SF3B3: variants seen among roughly 807,000 people sequenced by gnomAD.
SF3B3 encodes splicing factor 3b subunit 3.
SF3B3 carries 33 observed loss-of-function variants against 139.2 expected under a neutral mutation model. That is an observed-to-expected ratio of 0.24 (90% CI 0.18 to 0.32). The LOEUF (loss-of-function observed/expected upper bound fraction) is 0.32, where lower values mean the gene tolerates loss of function less well. Ranked by LOEUF, SF3B3 falls within the 10% of genes least tolerant of loss-of-function variation. The probability of loss-of-function intolerance (pLI) is 1.00; values close to 1 mark genes in which losing one functional copy is unlikely to be tolerated. For synonymous variants in SF3B3, 596 were observed against 563.6 expected, an observed-to-expected ratio of 1.06 and a Z score of -0.81; for missense variants, 818 against 1,509.4, an observed-to-expected ratio of 0.54 and a Z score of 7.59.
At chr16:70,553,714 AC>A (rs1372150167) in intron 11 of SF3B3, among the ~76,000 whole-genome samples, 1 of 152,198 alleles carries the variant, frequency 6.6e-6, no homozygotes, top group Non-Finnish European at 1.5e-5. Flanking sequence ...TTTCTGGTAT[AC>A]CTCAAGTCCT....
rs764715030 is a variant in SF3B3, at chr16:70,568,261, C to G, written c.2953-22C>G. 11 of 1,570,402 alleles carry G rather than the reference C, an allele frequency of 7.0e-6. 1 individual carries two copies. The South Asian group carries it at 1.2e-4, about 17-fold the overall frequency. On this transcript the variant is annotated intron_variant, in intron 21 of 25. Transcript: ENST00000302516. ...AACCCCAAGATTACACCCACCATCA[C>G]TATTGTCTTTGTTTTTCCCAGCATA...
chr16:70,526,938 T>C, intron 2 of SF3B3: 1 of 590,846 alleles, frequency 1.7e-6, no homozygotes, highest in East Asian at 2.9e-5. Flanking sequence ...GTAATGATTC[T>C]TGTCAGGGCA....
At chr16:70,526,947 C>T (rs1353121966) in intron 2 of SF3B3, 4 of 586,106 alleles carry the variant, frequency 6.8e-6, no homozygotes, top group Admixed American at 6.3e-5. Context: ...CTTGTCAGGG[C>T]ACACTTTTCT....
chr16:70,551,338 T>C (rs1193819130), intron 11 of SF3B3, among the ~76,000 whole-genome samples: 2 of 152,194 alleles, frequency 1.3e-5, no homozygotes, highest in South Asian at 2.1e-4. Flanking sequence ...TTCCTTAGAA[T>C]GCAGTGTGGA....
At chr16:70,569,256 C>A in intron 23 of SF3B3, 115 bp downstream of exon 23, 1 of 682,872 alleles carries the variant, frequency 1.5e-6, no homozygotes, top group Non-Finnish European at 2.5e-6. Context: ...GTGCTGAGTG[C>A]TGTCCGTCCA....
At chr16:70,549,385 G>C (rs2050299608) in intron 11 of SF3B3, among the ~76,000 whole-genome samples, 2 of 152,154 alleles carry the variant, frequency 1.3e-5, no homozygotes, top group South Asian at 4.1e-4. Flanking sequence ...AGTAGAAAGG[G>C]AAAATTGTGA....
At chr16:70,557,433 A>G (rs989529083) in intron 15 of SF3B3, among the ~76,000 whole-genome samples, 44 of 152,242 alleles carry the variant, frequency 2.9e-4, no homozygotes, top group Admixed American at 2.9e-3. Flanking sequence ...TTGTGCCGTG[A>G]AGAAAAGGTG....
At position 70,570,095 on chromosome 16, in the gene SF3B3, C is replaced by A; in HGVS notation, c.3354C>A (p.Val1118=). 1 of 1,614,118 alleles carries A rather than the reference C, an allele frequency of 6.2e-7. No individual in the cohort carries two copies. The highest frequency in any genetic ancestry group is 8.5e-7 in the Non-Finnish European group (1 of 1,180,032). ...TCCCTGGAGGCTCAGAATCACTTGTCTATACCACCTTGTCTGGAGGAATTG... is the reference window on the plus strand; with the variant it reads ...TCCCTGGAGGCTCAGAATCACTTGTATATACCACCTTGTCTGGAGGAATTG... The part of the protein sequence containing the change: ...TLIPGGSESL[V]YTTLSGGIGI... The change falls in exon 24 of 26, where the codon GTC becomes GTA. Residue 1118 remains valine (V), a synonymous_variant. Transcript: ENST00000302516.
intron 4 of SF3B3, among the ~76,000 whole-genome samples, chr16:70,531,862 C>G (rs2050124571): frequency 6.6e-6 from 1 of 152,250 alleles, no homozygotes; most frequent in Non-Finnish European, 1.5e-5. Flanking sequence ...GATTGCAGTT[C>G]TCGTTCTAGC....
rs1480274006 is a variant in SF3B3, at chr16:70,526,600, C to T, written c.-57C>T. ...CTGTTTTCTTAGCTTTCTTGGACTC[C>T]GTACTGTTGGTGTAACCAAGGCCTG... On this transcript the variant is annotated 5_prime_UTR_variant, in exon 2 of 26. Transcript: ENST00000302516. The T allele has an allele frequency of 2.8e-5, 34 of 1,231,082 alleles. 1 individual carries two copies. Among genetic ancestry groups the T allele is most frequent in the South Asian group, 2.3e-4 (18 of 79,276 alleles). The allele number at this position is 1,231,082 out of a possible 1,614,324, so 76.3% of individuals were successfully genotyped here.
Position 70,535,322 on chromosome 16 carries a change from G to A in SF3B3, c.727G>A (p.Asp243Asn). Reference sequence around the variant, plus strand: ...TTCTCTCACAGTTCCAGGAGGGTCAGATGGTCCAAGTGGAGTACTGATCTG... The same window carrying A: ...TTCTCTCACAGTTCCAGGAGGGTCAAATGGTCCAAGTGGAGTACTGATCTG... ...NFLITVPGGS[D>N]GPSGVLICSE... The change falls in exon 6 of 26, where the codon GAT becomes AAT. Residue 243 changes from aspartate to asparagine, a missense_variant. This residue lies in a region of SF3B3 where 80 missense variants were observed against 206.5 expected (regional missense o/e 0.39). Coordinates refer to ENST00000302516, the MANE Select transcript of SF3B3 (RefSeq NM_012426.5). 6.3e-7 allele frequency: 1 copy of A among 1,576,188 alleles called. No individual in the cohort carries two copies. The highest frequency in any genetic ancestry group is 8.6e-7 in the Non-Finnish European group (1 of 1,159,298).
At chr16:70,565,806 A>G (rs2050470269) in intron 20 of SF3B3, 5 of 325,176 alleles carry the variant, frequency 1.5e-5, no homozygotes, top group East Asian at 1.2e-4. Context: ...TTGTGACCAA[A>G]ATTCAGCAGT....
At chr16:70,543,315 C>A (rs2050237146) in intron 9 of SF3B3, among the ~76,000 whole-genome samples, 1 of 151,448 alleles carries the variant, frequency 6.6e-6, no homozygotes, top group Admixed American at 6.6e-5. Context: ...GAGGCCGAGG[C>A]AAGAGAATCG....
intron 9 of SF3B3, 62 bp downstream of exon 9, chr16:70,541,896 A>G: frequency 7.2e-7 from 1 of 1,393,830 alleles, no homozygotes; most frequent in South Asian, 1.4e-5. Flanking sequence ...GTCTAGTCTA[A>G]GAAATAGCTT....
intron 6 of SF3B3, among the ~76,000 whole-genome samples, chr16:70,536,813 T>TC (rs1597708913): frequency 2.7e-5 from 4 of 148,678 alleles, no homozygotes; most frequent in African/African-American, 7.4e-5. Flanking sequence ...CTTTCTTTTT[T>TC]TTTTTTTTTT....
At chr16:70,562,989 C>G (rs2050443844) in intron 17 of SF3B3, among the ~76,000 whole-genome samples, 1 of 152,020 alleles carries the variant, frequency 6.6e-6, no homozygotes, top group Non-Finnish European at 1.5e-5. Context: ...GCCATCATGC[C>G]TGGCTAATTT....
chr16:70,571,611 C>G, intron 25 of SF3B3, 62 bp from the exon 26 acceptor site: 1 of 1,551,534 alleles, frequency 6.4e-7, no homozygotes, highest in Non-Finnish European at 8.8e-7. Flanking sequence ...GCTGCTTTAG[C>G]ATGTGCCATT....
chr16:70,541,586 G>A, intron 8 of SF3B3, 83 bp from the exon 9 acceptor site: 1 of 1,089,542 alleles, frequency 9.2e-7, no homozygotes, highest in African/African-American at 1.6e-5. Context: ...TAATCAAATA[G>A]CTTGTGCTTT....
intron 2 of SF3B3, among the ~76,000 whole-genome samples, chr16:70,528,508 G>A (rs1193576743): frequency 4.6e-5 from 6 of 131,780 alleles, no homozygotes; most frequent in African/African-American, 1.7e-4. Flanking sequence ...ATCTTGCTGC[G>A]TTTCCCAGGA....
Sources: allele counts gnomAD v4.1 joint callset (sites outside exome capture counted in the v4.1 genomes callset), GRCh38; gene constraint gnomAD v4.1.1; regional missense constraint gnomAD v4.1.1; transcripts MANE v1.5; gene names NCBI Gene and HGNC (gene_info 2026-07-23, HGNC 2026-07-21).